Variants in RBM14 observed in about 807,000 individuals in gnomAD.
RBM14 encodes RNA-binding protein 14.
In RBM14, 5 loss-of-function variants were observed where a neutral mutation model predicts 52.8. The ratio of observed to expected loss-of-function variants is 0.09; its 90% confidence interval spans 0.05 to 0.20. The LOEUF (loss-of-function observed/expected upper bound fraction) is 0.20. Ranked by LOEUF, RBM14 falls within the 10% of genes least tolerant of loss-of-function variation. The probability of loss-of-function intolerance (pLI) is 1.00; values close to 1 mark genes in which losing one functional copy is unlikely to be tolerated. For synonymous variants in RBM14, 411 were observed against 401.8 expected, an observed-to-expected ratio of 1.02 and a Z score of -0.28; for missense variants, 780 against 926.6, an observed-to-expected ratio of 0.84 and a Z score of 2.05.
chr11:66,616,898 C>T lies in RBM14; in HGVS notation c.178C>T (p.Leu60=), dbSNP rs1243450636. Residue 60 remains leucine (L), a synonymous_variant, in exon 1 of 3, where the codon CTG becomes TTG. Coordinates refer to ENST00000310137, the MANE Select transcript of RBM14 (RefSeq NM_006328.4). ...CATCGAAGCCCTGCACGGCCACGAGCTGCGGCCGGGGCGCGCGCTCGTGGT... is the reference window on the plus strand; with the variant it reads ...CATCGAAGCCCTGCACGGCCACGAGTTGCGGCCGGGGCGCGCGCTCGTGGT... ...RAIEALHGHE[L]RPGRALVVEM... is the part of the protein sequence containing the mutation. The T allele has an allele frequency of 9.3e-6, 15 of 1,611,670 alleles. No individual in the cohort carries two copies. The highest frequency in any genetic ancestry group is 1.3e-5 in the African/African-American group (1 of 75,002).
Position 66,616,742 on chromosome 11 carries a change from G to A in RBM14, c.22G>A (p.Val8Ile), listed in dbSNP as rs1418835952. Residue 8 changes from valine to isoleucine, a missense_variant, in exon 1 of 3, where the codon GTC becomes ATC. Transcript: ENST00000310137. MKIFVGN[V>I]DGADTTPEEL... ...CAAAATGAAGATATTCGTGGGCAACGTCGACGGGGCGGATACGACTCCGGA... is the reference window on the plus strand; with the variant it reads ...CAAAATGAAGATATTCGTGGGCAACATCGACGGGGCGGATACGACTCCGGA... 2.5e-6 allele frequency: 4 copies of A among 1,595,472 alleles called. No homozygotes were observed. The highest frequency in any genetic ancestry group is 3.4e-6 in the Non-Finnish European group (4 of 1,166,312).
intron 1 of RBM14, among the ~76,000 whole-genome samples, chr11:66,622,463 A>G (rs1026131236): frequency 1.3e-5 from 2 of 152,138 alleles, no homozygotes; most frequent in African/African-American, 4.8e-5. Context: ...TGAACTCCTG[A>G]TCTCAGGTGA....
In RBM14 at chr11:66,624,066, A is replaced by G. The variant is rs1340177338; in HGVS notation, c.338-148A>G. ...AGAAGCTTTGTTATATGGGAGCTAC[A>G]TTTTATGACATACTCCTGGAGAGGA... On this transcript the variant is annotated intron_variant, in intron 1 of 2. Transcript: ENST00000310137. This position sits in a 1 kb window ranked among gnomAD's most constrained non-coding sequence, Gnocchi z 4.7. The G allele has an allele frequency of 8.1e-6, 11 of 1,362,640 alleles. No homozygotes were observed. The highest frequency in any genetic ancestry group is 2.9e-5 in the African/African-American group (2 of 69,036). The allele number at this position is 1,362,640 out of a possible 1,614,324, so 84.4% of individuals were successfully genotyped here.
In RBM14 at chr11:66,624,972, A is replaced by G; in HGVS notation, c.1096A>G (p.Asn366Asp). The change falls in exon 2 of 3, where the codon AAC becomes GAC. Residue 366 changes from asparagine to aspartate, a missense_variant. Asn to Asp is a conservative substitution (Grantham distance 23). Transcript: ENST00000310137. The surrounding 1 kb of genome is among the most constrained non-coding windows in gnomAD (Gnocchi z 4.7). Reference protein sequence around the residue: ...YGVRAAASSYNTQGAASSLGS... With the variant: ...YGVRAAASSYDTQGAASSLGS... ...GGTTCGTGCAGCTGCTTCTTCCTAC[A>G]ACACCCAGGGAGCAGCTTCCTCCTT... 1 of 1,613,312 alleles carries G rather than the reference A, an allele frequency of 6.2e-7. No homozygotes were observed. Among genetic ancestry groups the G allele is most frequent in the Non-Finnish European group, 8.5e-7 (1 of 1,179,830 alleles).
intron 1 of RBM14, 148 bp downstream of exon 1, chr11:66,617,205 G>A: frequency 2.1e-6 from 3 of 1,435,270 alleles, no homozygotes; most frequent in Non-Finnish European, 2.7e-6. Context: ...GGCGCGTTGG[G>A]TAGAGCCACC....
chr11:66,626,799 C>T lies in RBM14; in HGVS notation c.*131C>T. 1 of 897,468 alleles carries T rather than the reference C, an allele frequency of 1.1e-6. No individual in the cohort carries two copies. Among genetic ancestry groups the T allele is most frequent in the Non-Finnish European group, 1.6e-6 (1 of 607,098 alleles). 55.6% of individuals were successfully genotyped at this position (897,468 alleles called of 1,614,324 possible). A position where few individuals can be genotyped will look rare whatever the true frequency, so the allele number is the denominator to read the frequency against. On this transcript the variant is annotated 3_prime_UTR_variant, in exon 3 of 3. Coordinates refer to ENST00000310137, the MANE Select transcript of RBM14 (RefSeq NM_006328.4). ...TTTTTCATGCCCTCTACCATGTGGG[C>T]CTTCCCCAGGAGATGATCCTGTTAA...
Position 66,628,006 on chromosome 11 carries a change from A to G in RBM14, c.*1338A>G, listed in dbSNP as rs1175955353. Among the ~76,000 whole-genome samples the G allele has an allele frequency of 6.6e-6, 1 of 151,804 alleles. No homozygotes were observed. Among genetic ancestry groups the G allele is most frequent in the African/African-American group, 2.4e-5 (1 of 41,296 alleles). On this transcript the variant is annotated 3_prime_UTR_variant, in exon 3 of 3. Transcript: ENST00000310137. ...ATAGTCACCGGAGACTCCTTTACCT[A>G]TCCCTATCTGTTAGGGTTTTCAGAT...
At chr11:66,621,167 G>A (rs1405243314) in intron 1 of RBM14, among the ~76,000 whole-genome samples, 1 of 151,186 alleles carries the variant, frequency 6.6e-6, no homozygotes, top group Non-Finnish European at 1.5e-5. Context: ...CACCATTCCT[G>A]GCCCAGCCTC....
chr11:66,624,116 T>G lies in RBM14; in HGVS notation c.338-98T>G, dbSNP rs561086799. The G allele has an allele frequency of 5.8e-6, 9 of 1,538,808 alleles. No individual in the cohort carries two copies. The South Asian group carries it at 1.1e-4, about 20-fold the overall frequency. ...AGGGTTTGGAGGCCTTGGAGGTAGC[T>G]GGCAACAGCTGGGTGCTGTTGTGTG... On this transcript the variant is annotated intron_variant, in intron 1 of 2. Coordinates refer to ENST00000310137, the MANE Select transcript of RBM14 (RefSeq NM_006328.4). The surrounding 1 kb of genome is among the most constrained non-coding windows in gnomAD (Gnocchi z 4.7).
chr11:66,628,519 TG>T lies in RBM14; in HGVS notation c.*1855del, dbSNP rs1024411071. 1.0e-4 allele frequency among the ~76,000 whole-genome samples: 15 copies of T among 143,698 alleles called. No individual in the cohort carries two copies. The highest frequency in any genetic ancestry group is 3.7e-4 in the African/African-American group (15 of 40,366). The allele number at this position is 143,698 out of a possible 152,430, so 94.3% of individuals were successfully genotyped here. A position where few individuals can be genotyped will look rare whatever the true frequency, so the allele number is the denominator to read the frequency against. ...TGAGTTCTTATTTGTGGATGCTAAC[TG>T]GGGTAATCTCAGGGAGTACTGGGGC... On this transcript the variant is annotated 3_prime_UTR_variant, in exon 3 of 3. Transcript: ENST00000310137.
chr11:66,626,365 C>T (rs1937804603), intron 2 of RBM14, 96 bp from the exon 3 acceptor site: 1 of 1,234,796 alleles, frequency 8.1e-7, no homozygotes, highest in African/African-American at 1.5e-5. Context: ...CCACTGTGAT[C>T]ACACCCTCCC....
At chr11:66,618,202 G>GTTA (rs1858934265) in intron 1 of RBM14, among the ~76,000 whole-genome samples, 1 of 152,134 alleles carries the variant, frequency 6.6e-6, no homozygotes, top group Admixed American at 6.5e-5. Flanking sequence ...ACAGATCAGA[G>GTTA]TTAACTTTGC....
At chr11:66,622,310 C>T (rs1412592839) in intron 1 of RBM14, among the ~76,000 whole-genome samples, 1 of 151,118 alleles carries the variant, frequency 6.6e-6, no homozygotes, top group East Asian at 1.9e-4. Context: ...CGGCTCACTG[C>T]AACTTCCACC....
rs764586856 is a variant in RBM14 at position 66,616,963 on chromosome 11, T to A, written c.243T>A (p.Ile81=). 24 of 1,612,174 alleles carry A rather than the reference T, an allele frequency of 1.5e-5. No homozygotes were observed. The highest frequency in any genetic ancestry group is 1.9e-5 in the Non-Finnish European group (23 of 1,179,604). The change falls in exon 1 of 3, where the codon ATT becomes ATA. Residue 81 remains isoleucine, a synonymous_variant. Transcript: ENST00000310137. The part of the protein sequence containing the change: ...SRPRPLNTWK[I]FVGNVSAACT... The stretch of plus-strand genomic sequence containing the variant: ...CAAGGCCTCTTAATACTTGGAAGAT[T>A]TTCGTGGGCAATGTGTCGGCTGCAT...
In RBM14 at chr11:66,629,627, GACCTAGTATATA is replaced by G. The variant is rs1304548504; in HGVS notation, c.*2960_*2971del. ...TGAAAACAGATTTACTGGATTTATG[GACCTAGTATATA>G]CTATGTAACAGATGGAAAACTGAAT... On this transcript the variant is annotated 3_prime_UTR_variant, in exon 3 of 3. Transcript: ENST00000310137. Among the ~76,000 whole-genome samples the G allele has an allele frequency of 1.3e-5, 2 of 152,188 alleles. No individual in the cohort carries two copies. Among genetic ancestry groups the G allele is most frequent in the Non-Finnish European group, 2.9e-5 (2 of 68,036 alleles).
chr11:66,622,104 C>T (rs543046248), intron 1 of RBM14, among the ~76,000 whole-genome samples: 15 of 152,026 alleles, frequency 9.9e-5, no homozygotes, highest in African/African-American at 2.9e-4. Context: ...TTAGTAGAGA[C>T]GTGGTTTCAC....
rs1486135329 is a variant in RBM14, at chr11:66,616,763, C to G, written c.43C>G (p.Pro15Ala). 2 of 1,604,266 alleles carry G rather than the reference C, an allele frequency of 1.2e-6. No homozygotes were observed. The highest frequency in any genetic ancestry group is 2.7e-5 in the African/African-American group (2 of 74,680). Residue 15 changes from proline to alanine, a missense_variant, in exon 1 of 3, where the codon CCG becomes GCG. Physicochemically the swap from Pro to Ala is conservative, Grantham distance 27. Coordinates refer to ENST00000310137, the MANE Select transcript of RBM14 (RefSeq NM_006328.4). Reference sequence around the variant, plus strand: ...CAACGTCGACGGGGCGGATACGACTCCGGAGGAGCTGGCAGCCCTCTTTGC... The same window carrying G: ...CAACGTCGACGGGGCGGATACGACTGCGGAGGAGCTGGCAGCCCTCTTTGC... ...VGNVDGADTT[P>A]EELAALFAPY...
In RBM14 at chr11:66,625,587, A is replaced by G; in HGVS notation, c.1711A>G (p.Ser571Gly). 6.2e-7 allele frequency: 1 copy of G among 1,611,314 alleles called. No individual in the cohort carries two copies. The highest frequency in any genetic ancestry group is 8.5e-7 in the Non-Finnish European group (1 of 1,179,808). ...CCAGGGGGCCGTTGCCAACGCCAACAGCACCCCGCCGCCCTATGAGCGTAC... is the reference window on the plus strand; with the variant it reads ...CCAGGGGGCCGTTGCCAACGCCAACGGCACCCCGCCGCCCTATGAGCGTAC... The part of the protein sequence containing the change: ...MSQGAVANAN[S>G]TPPPYERTRL... Residue 571 changes from serine to glycine, a missense_variant, in exon 2 of 3, where the codon AGC becomes GGC. Physicochemically the swap from Ser to Gly is moderately conservative, Grantham distance 56. Transcript: ENST00000310137. This position sits in a 1 kb window ranked among gnomAD's most constrained non-coding sequence, Gnocchi z 4.2.
rs760499415 is a variant in RBM14, at chr11:66,616,815, C to T, written c.95C>T (p.Ala32Val). The change falls in exon 1 of 3, where the codon GCC becomes GTC. Residue 32 changes from alanine to valine, a missense_variant. This residue lies in a region of RBM14 where 71 missense variants were observed against 119.2 expected (regional missense o/e 0.60). Transcript: ENST00000310137. ...CCCTACGGCACGGTCATGAGCTGCGCCGTCATGAAACAGTTCGCCTTCGTG... is the reference window on the plus strand; with the variant it reads ...CCCTACGGCACGGTCATGAGCTGCGTCGTCATGAAACAGTTCGCCTTCGTG... ...FAPYGTVMSC[A>V]VMKQFAFVHM... is the part of the protein sequence containing the mutation. The T allele has an allele frequency of 1.2e-6, 2 of 1,612,570 alleles. No individual in the cohort carries two copies. Among genetic ancestry groups the T allele is most frequent in the African/African-American group, 1.3e-5 (1 of 74,920 alleles).
Sources: allele counts gnomAD v4.1 joint callset (sites outside exome capture counted in the v4.1 genomes callset), GRCh38; gene constraint gnomAD v4.1.1; regional missense constraint gnomAD v4.1.1; non-coding constraint Gnocchi (gnomAD v3.1); transcripts MANE v1.5; gene names NCBI Gene and HGNC (gene_info 2026-07-23, HGNC 2026-07-21).